ADAMTS3: variants seen among roughly 807,000 people sequenced by gnomAD.
ADAMTS3 encodes the protein A disintegrin and metalloproteinase with thrombospondin motifs 3.
ADAMTS3 carries 73 observed loss-of-function variants against 129.0 expected under a neutral mutation model. That is an observed-to-expected ratio of 0.57 (90% CI 0.47 to 0.69). ADAMTS3 has a LOEUF of 0.69. ADAMTS3 is among the 30% of genes least tolerant of loss of function. ADAMTS3 has a pLI of 0.00. For missense variants in ADAMTS3, 1,457 were observed against 1,514.5 expected (o/e 0.96, Z 0.63); for synonymous variants, 477 against 510.8 (o/e 0.93, Z 0.89).
chr4:72,521,213 G>C (rs1215208943), intron 3 of ADAMTS3, among the ~76,000 whole-genome samples: 1 of 152,006 alleles, frequency 6.6e-6, no homozygotes, highest in Non-Finnish European at 1.5e-5. Flanking sequence ...GGCCAGGCTG[G>C]TCTCGAACTC....
intron 14 of ADAMTS3, among the ~76,000 whole-genome samples, chr4:72,309,913 C>A (rs1292161613): frequency 6.6e-6 from 1 of 152,002 alleles, no homozygotes; most frequent in Non-Finnish European, 1.5e-5. Context: ...TTAGTGCAAT[C>A]TTTAAAAGAT....
intron 17 of ADAMTS3, among the ~76,000 whole-genome samples, chr4:72,300,200 C>A (rs911117384): frequency 3.3e-5 from 5 of 152,068 alleles, no homozygotes; most frequent in Admixed American, 2.6e-4. Flanking sequence ...TTGCCCCAGA[C>A]AGCCTAGCCA....
At chr4:72,417,722 A>G (rs1253322774) in intron 3 of ADAMTS3, among the ~76,000 whole-genome samples, 1 of 151,958 alleles carries the variant, frequency 6.6e-6, no homozygotes, top group Admixed American at 6.6e-5. Context: ...TGAAGTCAGG[A>G]GATCAAGACC....
intron 5 of ADAMTS3, among the ~76,000 whole-genome samples, chr4:72,324,606 T>C (rs1360864002): frequency 6.6e-6 from 1 of 152,048 alleles, no homozygotes; most frequent in African/African-American, 2.4e-5. Flanking sequence ...CTCACATACA[T>C]AGAATGGTAA....
In ADAMTS3 at chr4:72,557,155, G is replaced by A. The variant is rs1183088250; in HGVS notation, c.98-8271C>T. On this transcript the variant is annotated intron_variant, in intron 2 of 21. Coordinates refer to ENST00000286657, the MANE Select transcript of ADAMTS3 (RefSeq NM_014243.3). Reference sequence around the variant, plus strand: ...ATAATCTGGCCTCAAGAATGAAATCGAATAAGCATTTTCAAGATCATCTAA... The same window carrying A: ...ATAATCTGGCCTCAAGAATGAAATCAAATAAGCATTTTCAAGATCATCTAA... 7.9e-5 allele frequency among the ~76,000 whole-genome samples: 12 copies of A among 151,730 alleles called. 1 individual carries two copies. Among genetic ancestry groups the A allele is most frequent in the Admixed American group, 2.0e-4 (3 of 15,256 alleles).
chr4:72,530,258 T>TATTATATATAATATATAATATATA (rs1720969566), intron 3 of ADAMTS3, among the ~76,000 whole-genome samples: 1 of 81,584 alleles, frequency 1.2e-5, no homozygotes, highest in Admixed American at 2.3e-4. Context: ...AATATATTTA[T>TATTATATATAATATATAATATATA]ATTATATATA....
Position 72,290,880 on chromosome 4 carries a change from T to C in ADAMTS3, c.2906A>G (p.Gln969Arg). ...CTCACTCCAGGGTCCTGTTTTCCAC[T>C]GTGCAGGGCAGGGCACTCTGTTACA... ...RPCNRVPCPA[Q>R]WKTGPWSECS... The change falls in exon 20 of 22, where the codon CAG (glutamine) becomes CGG (arginine). Residue 969 changes from glutamine (Q) to arginine (R), a missense_variant. Transcript: ENST00000286657. The C allele has an allele frequency of 6.2e-7, 1 of 1,613,992 alleles. No individual in the cohort carries two copies. The highest frequency in any genetic ancestry group is 8.5e-7 in the Non-Finnish European group (1 of 1,179,930).
At chr4:72,415,824 G>T (rs902857427) in intron 3 of ADAMTS3, among the ~76,000 whole-genome samples, 3 of 152,042 alleles carry the variant, frequency 2.0e-5, no homozygotes, top group Non-Finnish European at 4.4e-5. Flanking sequence ...CAGTCAAGTA[G>T]TTGTGGCTCG....
intron 4 of ADAMTS3, among the ~76,000 whole-genome samples, chr4:72,347,959 C>T (rs1720331198): frequency 6.6e-6 from 1 of 151,982 alleles, no homozygotes; most frequent in Non-Finnish European, 1.5e-5. Flanking sequence ...AGCTCTTCAC[C>T]TCAAACTTCT....
chr4:72,463,572 T>C (rs72853020), intron 3 of ADAMTS3, among the ~76,000 whole-genome samples: 7,630 of 151,772 alleles, frequency 0.05, 646 homozygotes, highest in African/African-American at 0.18. Context: ...AACCATATTA[T>C]AAGAATACTC....
At chr4:72,323,552 G>A (rs1388470243) in intron 5 of ADAMTS3, among the ~76,000 whole-genome samples, 1 of 152,166 alleles carries the variant, frequency 6.6e-6, no homozygotes, top group Admixed American at 6.5e-5. Flanking sequence ...GAGAGCCAAT[G>A]GCTATGGGGT....
intron 19 of ADAMTS3, among the ~76,000 whole-genome samples, chr4:72,291,849 T>C (rs1174857267): frequency 1.3e-5 from 2 of 152,206 alleles, no homozygotes; most frequent in Non-Finnish European, 1.5e-5. Context: ...ATGGTTGAAC[T>C]AGCTTACAGT....
At chr4:72,491,551 A>T (rs1719744770) in intron 3 of ADAMTS3, among the ~76,000 whole-genome samples, 1 of 151,684 alleles carries the variant, frequency 6.6e-6, no homozygotes, top group Admixed American at 6.6e-5. Context: ...ATCTATGAAA[A>T]TGATGTTATT....
intron 3 of ADAMTS3, among the ~76,000 whole-genome samples, chr4:72,417,881 C>T (rs1462957327): frequency 4.9e-5 from 7 of 142,710 alleles, no homozygotes; most frequent in Admixed American, 1.5e-4. Context: ...TGCAGTGAGC[C>T]GAGATCGCAC....
chr4:72,442,705 T>C (rs901904444), intron 3 of ADAMTS3, among the ~76,000 whole-genome samples: 7 of 151,774 alleles, frequency 4.6e-5, no homozygotes, highest in Admixed American at 2.0e-4. Flanking sequence ...CTGAGAGAGA[T>C]TGCCCAGAGG....
At chr4:72,499,927 G>C (rs772915456) in intron 3 of ADAMTS3, among the ~76,000 whole-genome samples, 1 of 152,170 alleles carries the variant, frequency 6.6e-6, no homozygotes, top group East Asian at 1.9e-4. Flanking sequence ...GCCTCCAGCT[G>C]CATCTATATT....
chr4:72,294,430 G>T (rs895894469), intron 19 of ADAMTS3, among the ~76,000 whole-genome samples: 1 of 152,064 alleles, frequency 6.6e-6, no homozygotes, highest in Non-Finnish European at 1.5e-5. Context: ...TTTCAAAATT[G>T]CTAGGAGAGC....
intron 2 of ADAMTS3, among the ~76,000 whole-genome samples, chr4:72,554,752 C>T (rs1721722089): frequency 6.6e-6 from 1 of 151,812 alleles, no homozygotes; most frequent in South Asian, 2.1e-4. Flanking sequence ...CCAAATTCCC[C>T]ACACAGAATT....
At chr4:72,439,519 T>C (rs936398229) in intron 3 of ADAMTS3, among the ~76,000 whole-genome samples, 1 of 151,646 alleles carries the variant, frequency 6.6e-6, no homozygotes, top group African/African-American at 2.4e-5. Context: ...ATGTAACATA[T>C]AGAACAACTA....
Sources: allele counts gnomAD v4.1 joint callset (sites outside exome capture counted in the v4.1 genomes callset), GRCh38; gene constraint gnomAD v4.1.1; transcripts MANE v1.5; gene names NCBI Gene and HGNC (gene_info 2026-07-23, HGNC 2026-07-21).